The following CNTN4 variants were observed in gnomAD, a reference collection of about 807,000 sequenced individuals.
CNTN4 encodes contactin-4.
CNTN4 carries 77 observed loss-of-function variants against 122.5 expected under a neutral mutation model. That is an observed-to-expected ratio of 0.63 (90% confidence interval 0.52 to 0.76). CNTN4 has a LOEUF of 0.76. Ranked by LOEUF, CNTN4 falls within the 30% of genes least tolerant of loss-of-function variation. The pLI is 0.00. For missense variants in CNTN4, 1,256 were observed against 1,259.1 expected, an observed-to-expected ratio of 1.00 and a Z score of 0.04; for synonymous variants, 512 against 447.0, an observed-to-expected ratio of 1.15 and a Z score of -1.83.
intron 4 of CNTN4, among the ~76,000 whole-genome samples, chr3:2,665,862 C>T (rs901728821): frequency 6.6e-6 from 1 of 152,162 alleles, no homozygotes; most frequent in Non-Finnish European, 1.5e-5. Context: ...ACCAACGTGG[C>T]GTGTGGTATC....
intron 13 of CNTN4, among the ~76,000 whole-genome samples, chr3:2,951,830 TA>T (rs370637763): frequency 6.6e-6 from 1 of 152,224 alleles, no homozygotes. Flanking sequence ...AATGCACTAT[TA>T]AAAAAAGAAG....
chr3:2,335,704 C>T (rs2043928297), intron 2 of CNTN4, among the ~76,000 whole-genome samples: 1 of 151,480 alleles, frequency 6.6e-6, no homozygotes, highest in African/African-American at 2.4e-5. Context: ...TCTACTTTTT[C>T]CCCTAACAAG....
intron 3 of CNTN4, among the ~76,000 whole-genome samples, chr3:2,541,021 A>G (rs2078010296): frequency 6.6e-6 from 1 of 152,118 alleles, no homozygotes; most frequent in African/African-American, 2.4e-5. Context: ...AGATTTCTTC[A>G]CTCATTACAT....
At chr3:2,532,500 A>G (rs1381876746) in intron 3 of CNTN4, among the ~76,000 whole-genome samples, 2 of 152,218 alleles carry the variant, frequency 1.3e-5, no homozygotes, top group African/African-American at 4.8e-5. Flanking sequence ...AATAGTAGCC[A>G]TCCCTAGACT....
intron 3 of CNTN4, among the ~76,000 whole-genome samples, chr3:2,459,939 C>G (rs576834687): frequency 1.3e-5 from 2 of 152,208 alleles, no homozygotes; most frequent in South Asian, 4.1e-4. Context: ...ATATTGTAGT[C>G]TTTTCTGCTA....
At chr3:2,374,656 C>T (rs1461414825) in intron 3 of CNTN4, among the ~76,000 whole-genome samples, 1 of 152,082 alleles carries the variant, frequency 6.6e-6, no homozygotes, top group Non-Finnish European at 1.5e-5. Context: ...AAAAAAAGGC[C>T]ATGCTTCTAA....
intron 4 of CNTN4, among the ~76,000 whole-genome samples, chr3:2,665,948 CT>C (rs2084134752): frequency 6.6e-6 from 1 of 152,126 alleles, no homozygotes; most frequent in Non-Finnish European, 1.5e-5. Context: ...AAGATTTTAT[CT>C]CTTGGTAAAG....
rs146076556 is a variant in CNTN4, at chr3:2,687,307, T to C, written c.56-48908T>C. Among the ~76,000 whole-genome samples the C allele has an allele frequency of 7.0e-4, 6 of 8,516 alleles. 1 individual carries two copies. Among genetic ancestry groups the C allele is most frequent in the African/African-American group, 2.0e-3 (5 of 2,522 alleles). 5.6% of individuals were successfully genotyped at this position (8,516 alleles called of 152,430 possible). The stretch of plus-strand genomic sequence containing the variant: ...CCCTGAAGTTCCCACCACTTGCTGC[T>C]CAGCAACTTCACCCATTTACATGCC... On this transcript the variant is annotated intron_variant, in intron 4 of 24. Coordinates refer to ENST00000418658, the MANE Select transcript of CNTN4 (RefSeq NM_175607.3).
intron 2 of CNTN4, among the ~76,000 whole-genome samples, chr3:2,308,856 G>A (rs932401086): frequency 8.6e-5 from 13 of 151,988 alleles, no homozygotes; most frequent in African/African-American, 3.1e-4. Context: ...TAGGAAAAAT[G>A]TATATAAAAT....
chr3:2,994,069 T>C (rs1318540209), intron 14 of CNTN4, among the ~76,000 whole-genome samples: 1 of 152,176 alleles, frequency 6.6e-6, no homozygotes, highest in Admixed American at 6.5e-5. Flanking sequence ...ACCAGAATAG[T>C]AAGCTAAGAA....
chr3:2,655,324 C>T (rs1257635922), intron 4 of CNTN4, among the ~76,000 whole-genome samples: 1 of 152,198 alleles, frequency 6.6e-6, no homozygotes, highest in East Asian at 1.9e-4. Flanking sequence ...ACTATTGCAT[C>T]ACTCAGTATG....
At chr3:2,672,928 G>A (rs1432300262) in intron 4 of CNTN4, among the ~76,000 whole-genome samples, 1 of 152,028 alleles carries the variant, frequency 6.6e-6, no homozygotes, top group East Asian at 1.9e-4. Context: ...CATTCGAGTG[G>A]GCTAGAGAAT....
intron 15 of CNTN4, among the ~76,000 whole-genome samples, chr3:3,028,165 AACCTAT>A (rs1289514373): frequency 6.6e-6 from 1 of 152,176 alleles, no homozygotes; most frequent in African/African-American, 2.4e-5. Flanking sequence ...GTATAGAGTT[AACCTAT>A]TGAGGTTTTA....
At chr3:2,792,733 G>C (rs1255321544) in intron 6 of CNTN4, among the ~76,000 whole-genome samples, 3 of 152,182 alleles carry the variant, frequency 2.0e-5, no homozygotes, top group African/African-American at 7.2e-5. Flanking sequence ...TATAACTTCA[G>C]TATCTTCCCA....
At chr3:2,911,371 A>C (rs1203440468) in intron 12 of CNTN4, among the ~76,000 whole-genome samples, 1 of 152,210 alleles carries the variant, frequency 6.6e-6, no homozygotes, top group Non-Finnish European at 1.5e-5. Flanking sequence ...CAATTAGGGG[A>C]TTACATACAA....
At chr3:2,758,614 C>T (rs893246520) in intron 6 of CNTN4, among the ~76,000 whole-genome samples, 8 of 146,018 alleles carry the variant, frequency 5.5e-5, no homozygotes, top group African/African-American at 2.0e-4. Flanking sequence ...TCAAACTATT[C>T]GCCTACCTCA....
intron 2 of CNTN4, among the ~76,000 whole-genome samples, chr3:2,303,952 C>T (rs530948445): frequency 6.6e-6 from 1 of 151,970 alleles, no homozygotes; most frequent in Admixed American, 6.5e-5. Flanking sequence ...AGATTATCAC[C>T]TTTGGATTTT....
chr3:2,820,472 A>G (rs979575645), intron 7 of CNTN4, among the ~76,000 whole-genome samples: 10 of 152,120 alleles, frequency 6.6e-5, no homozygotes, highest in Non-Finnish European at 1.3e-4. Flanking sequence ...TAGGGTTTTT[A>G]TGCAGGTTCC....
chr3:2,188,324 C>T (rs1474464191), intron 2 of CNTN4, among the ~76,000 whole-genome samples: 1 of 152,132 alleles, frequency 6.6e-6, no homozygotes, highest in African/African-American at 2.4e-5. Flanking sequence ...GGCCTGGCCC[C>T]TCTCTTGTTC....
Sources: gnomAD v4.1 joint callset for allele counts (sites outside exome capture counted in the v4.1 genomes callset) on GRCh38, gnomAD v4.1.1 for gene constraint, MANE v1.5 for transcripts, NCBI Gene and HGNC (gene_info 2026-07-23, HGNC 2026-07-21) for gene names.